CHID1: variants seen among roughly 807,000 people sequenced by gnomAD.
The protein encoded by CHID1 is chitinase domain containing 1.
CHID1 carries 44 observed loss-of-function variants against 55.4 expected under a neutral mutation model. That is an observed-to-expected ratio of 0.79 (90% CI 0.62 to 1.02). The LOEUF is 1.02. CHID1 is among the 50% of genes least tolerant of loss of function. The pLI is 0.00. For missense variants in CHID1, 491 were observed against 515.3 expected, an observed-to-expected ratio of 0.95 and a Z score of 0.46; for synonymous variants, 216 against 212.9, an observed-to-expected ratio of 1.01 and a Z score of -0.13.
intron 8 of CHID1, among the ~76,000 whole-genome samples, 153 bp downstream of exon 8, chr11:893,274 C>G (rs1850974186): frequency 6.6e-6 from 1 of 152,222 alleles, no homozygotes; most frequent in Non-Finnish European, 1.5e-5. Flanking sequence ...CACAGGGGCA[C>G]AGAGTGTGTG....
chr11:903,401 G>C (rs1393081431), intron 2 of CHID1, among the ~76,000 whole-genome samples: 1 of 152,242 alleles, frequency 6.6e-6, no homozygotes, highest in Non-Finnish European at 1.5e-5. Context: ...CTCCCTCCTT[G>C]CATGTGAGGG....
chr11:902,299 A>C lies in CHID1; in HGVS notation c.293T>G (p.Val98Gly), dbSNP rs753486053. Residue 98 changes from valine (V) to glycine (G), a missense_variant, in exon 4 of 13, where the codon GTC becomes GGC. Coordinates refer to ENST00000323578, the MANE Select transcript of CHID1 (RefSeq NM_023947.4). The stretch of plus-strand genomic sequence containing the variant: ...GATCTGTGTGAACTTGCTCCCAAAG[A>C]CCTTGGTGACATCGTAGCCATGGCT... The part of the protein sequence containing the change: ...WNSHGYDVTK[V>G]FGSKFTQISP... 6.2e-7 allele frequency: 1 copy of C among 1,613,586 alleles called. No homozygotes were observed. Among genetic ancestry groups the C allele is most frequent in the South Asian group, 1.1e-5 (1 of 91,078 alleles).
In CHID1 at chr11:870,178, G is replaced by A. The variant is rs1379467738; in HGVS notation, c.1041-15C>T. On this transcript the variant is annotated splice_polypyrimidine_tract_variant and intron_variant, in intron 11 of 12. Coordinates refer to ENST00000323578, the MANE Select transcript of CHID1 (RefSeq NM_023947.4). The stretch of plus-strand genomic sequence containing the variant: ...CACTGCGGCTCCTGCAAGACAAAGG[G>A]ACTGTCAGCCCATCCGCTCTGCTGG... 2 of 1,613,044 alleles carry A rather than the reference G, an allele frequency of 1.2e-6. No homozygotes were observed. Among genetic ancestry groups the A allele is most frequent in the African/African-American group, 2.7e-5 (2 of 74,912 alleles).
Position 870,162 on chromosome 11 carries a change from T to A in CHID1, c.1042A>T (p.Ser348Cys). The A allele has an allele frequency of 6.2e-7, 1 of 1,613,062 alleles. No homozygotes were observed. The highest frequency in any genetic ancestry group is 1.3e-5 in the African/African-American group (1 of 74,996). The stretch of plus-strand genomic sequence containing the variant: ...AAGACGACGTGCCTCCCACTGCGGC[T>A]CCTGCAAGACAAAGGGACTGTCAGC... The part of the protein sequence containing the change: ...ASEHFFEYKK[S>C]RSGRHVVFYP... The change falls in exon 12 of 13, where the codon AGC (serine) becomes TGC (cysteine). Residue 348 changes from serine to cysteine, a missense_variant and splice_region_variant. Ser to Cys is a moderately radical substitution (Grantham distance 112). Coordinates refer to ENST00000323578, the MANE Select transcript of CHID1 (RefSeq NM_023947.4).
Position 908,842 on chromosome 11 carries a change from C to G in CHID1, c.-44+1933G>C, listed in dbSNP as rs569842747. 8.5e-5 allele frequency among the ~76,000 whole-genome samples: 13 copies of G among 152,346 alleles called. No individual in the cohort carries two copies. In the South Asian group the frequency reaches 2.7e-3, roughly 32 times the overall value. On this transcript the variant is annotated intron_variant, in intron 1 of 12. Coordinates refer to ENST00000323578, the MANE Select transcript of CHID1 (RefSeq NM_023947.4). ...ACCTAGTGGCCCCTCTGCCTATGAC[C>G]TCCCTGCCCCCCAACCTGTGATTTC...
chr11:910,955 C>CCGGGGCCGGGG (rs1298407000), upstream of CHID1: 58 of 427,972 alleles, frequency 1.4e-4, no homozygotes, highest in Non-Finnish European at 1.7e-4. Context: ...GGGGCCGGGG[C>CCGGGGCCGGGG]CGGGGCCGGG....
intron 9 of CHID1, 71 bp downstream of exon 9, chr11:883,997 C>T (rs1159271554): frequency 3.3e-6 from 4 of 1,213,956 alleles, no homozygotes; most frequent in Non-Finnish European, 4.9e-6. Flanking sequence ...GCCCAGGAGC[C>T]CCCCAGGTCC....
Position 899,411 on chromosome 11 carries a change from G to A in CHID1, c.547-10C>T. ...CATCGAAATGCTGGTTCTGAAAGAA[G>A]CAGTCACAGGTGAGGAGGGCCTGGA... On this transcript the variant is annotated splice_polypyrimidine_tract_variant and intron_variant, in intron 6 of 12. Coordinates refer to ENST00000323578, the MANE Select transcript of CHID1 (RefSeq NM_023947.4). 6.3e-7 allele frequency: 1 copy of A among 1,595,054 alleles called. No homozygotes were observed. Among genetic ancestry groups the A allele is most frequent in the African/African-American group, 1.3e-5 (1 of 74,884 alleles).
At chr11:914,901 G>A (rs1852858290), upstream of CHID1, 1 of 301,874 alleles carries the variant, frequency 3.3e-6, no homozygotes, top group African/African-American at 2.2e-5. Context: ...AACAGTGGCA[G>A]CCTCGTGACT....
At chr11:878,003 C>T (rs796433018) in intron 10 of CHID1, among the ~76,000 whole-genome samples, 18 of 152,360 alleles carry the variant, frequency 1.2e-4, no homozygotes, top group African/African-American at 3.4e-4. Flanking sequence ...GGCGGCAGCT[C>T]GCTCAGACCC....
chr11:910,218 G>A (rs577960385), intron 1 of CHID1, among the ~76,000 whole-genome samples: 18 of 152,136 alleles, frequency 1.2e-4, no homozygotes, highest in Admixed American at 1.0e-3. Context: ...TCAAGGGTTG[G>A]GGCTGAACCA....
chr11:903,781 C>CA (rs769910249), intron 2 of CHID1: 2,444 of 175,400 alleles, frequency 0.014, 1 homozygote, highest in South Asian at 0.046. Context: ...AACTTCACCT[C>CA]AAAAAAAAAA....
intron 1 of CHID1, among the ~76,000 whole-genome samples, chr11:907,089 G>T (rs545587768): frequency 6.6e-6 from 1 of 152,258 alleles, no homozygotes; most frequent in Non-Finnish European, 1.5e-5. Context: ...ACTGGTCATT[G>T]TTTCTTCTCT....
chr11:910,932 G>T, upstream of CHID1: 2 of 694,968 alleles, frequency 2.9e-6, no homozygotes, highest in Non-Finnish European at 3.5e-6. Flanking sequence ...AGGGCTGCCC[G>T]AAAGTCGGGG....
chr11:887,395 C>A (rs973335459), intron 8 of CHID1, among the ~76,000 whole-genome samples: 3 of 152,202 alleles, frequency 2.0e-5, no homozygotes, highest in African/African-American at 7.2e-5. Context: ...GTCATGTGCT[C>A]TTGGTCAGTG....
chr11:884,355 A>G (rs987525003), intron 8 of CHID1, among the ~76,000 whole-genome samples, 186 bp from the exon 9 acceptor site: 1 of 152,084 alleles, frequency 6.6e-6, no homozygotes, highest in African/African-American at 2.4e-5. Context: ...TGGGAGACAC[A>G]GGGGGATGTG....
At chr11:910,652 C>T (rs1279263307) in intron 1 of CHID1, 123 bp downstream of exon 1, 1 of 1,268,496 alleles carries the variant, frequency 7.9e-7, no homozygotes. Flanking sequence ...CGCCCGGCGT[C>T]GCCCGCGACC....
chr11:900,160 G>C, intron 5 of CHID1, 50 bp from the exon 6 acceptor site: 2 of 1,461,230 alleles, frequency 1.4e-6, no homozygotes, highest in Non-Finnish European at 1.9e-6. Context: ...AGATGCTGGA[G>C]GGCCCCTGCT....
intron 10 of CHID1, among the ~76,000 whole-genome samples, chr11:879,587 C>G (rs115345514): frequency 3.4e-5 from 2 of 59,666 alleles, no homozygotes; most frequent in Admixed American, 2.9e-4. Flanking sequence ...CCCACCTTGA[C>G]GGCACCTTCA....
Sources: gnomAD v4.1 joint callset for allele counts (sites outside exome capture counted in the v4.1 genomes callset) on GRCh38, gnomAD v4.1.1 for gene constraint, MANE v1.5 for transcripts, NCBI Gene and HGNC (gene_info 2026-07-23, HGNC 2026-07-21) for gene names.